Variants in CLSTN3 observed in about 807,000 individuals in gnomAD.
CLSTN3 encodes the protein calsyntenin 3, also known as calsyntenin-3.
A neutral mutation model predicts 95.9 loss-of-function variants in CLSTN3; 36 were observed. That is an observed-to-expected ratio of 0.38 (90% CI 0.29 to 0.50). The LOEUF is 0.50. CLSTN3 is among the 20% of genes least tolerant of loss of function. The pLI is 0.95. For synonymous variants in CLSTN3, 481 were observed against 504.0 expected (o/e 0.95, Z 0.61); for missense variants, 1,084 against 1,268.8 (o/e 0.85, Z 2.21).
At chr12:7,146,379 G>A (rs771155145) in intron 12 of CLSTN3, among the ~76,000 whole-genome samples, 6 of 152,026 alleles carry the variant, frequency 3.9e-5, no homozygotes, top group Admixed American at 1.3e-4. Flanking sequence ...CAGCCTGGGC[G>A]ACAAAGCGAG....
intron 16 of CLSTN3, chr12:7,156,869 A>T (rs1265415843): frequency 2.2e-6 from 1 of 455,530 alleles, no homozygotes; most frequent in Non-Finnish European, 4.4e-6. Flanking sequence ...GGAACCCCAG[A>T]CGTCCCGGAG....
At chr12:7,144,921 A>C (rs940131569) in intron 12 of CLSTN3, among the ~76,000 whole-genome samples, 1 of 152,096 alleles carries the variant, frequency 6.6e-6, no homozygotes, top group African/African-American at 2.4e-5. Context: ...GGTGCAGCTG[A>C]TTGCTGAGTA....
chr12:7,134,073 A>C (rs985151223), intron 3 of CLSTN3, among the ~76,000 whole-genome samples: 1 of 152,216 alleles, frequency 6.6e-6, no homozygotes, highest in African/African-American at 2.4e-5. Flanking sequence ...CACCTACTTC[A>C]TAAGGCTGCT....
Position 7,150,544 on chromosome 12 carries a change from G to A in CLSTN3, c.2246G>A (p.Gly749Glu). Reference sequence around the variant, plus strand: ...CCCTGAGGTGCTTCCTCATCTCCAGGGGTGGAGAGCATCACTGTGTATGAA... The same window carrying A: ...CCCTGAGGTGCTTCCTCATCTCCAGAGGTGGAGAGCATCACTGTGTATGAA... Reference protein sequence around the residue: ...TNTSAYLTIAGVESITVYEEI... With the variant: ...TNTSAYLTIAEVESITVYEEI... The change falls in exon 15 of 18, where the codon GGG becomes GAG. Residue 749 changes from glycine (G) to glutamate (E), a missense_variant and splice_region_variant. Physicochemically the swap from Gly to Glu is moderately conservative, Grantham distance 98. Transcript: ENST00000266546. The surrounding 1 kb of genome is among the most constrained non-coding windows in gnomAD (Gnocchi z 4.0). The A allele has an allele frequency of 2.5e-6, 4 of 1,607,518 alleles. No individual in the cohort carries two copies. Among genetic ancestry groups the A allele is most frequent in the Non-Finnish European group, 2.6e-6 (3 of 1,174,868 alleles).
chr12:7,142,841 C>T (rs766835177), intron 10 of CLSTN3, 28 bp from the exon 11 acceptor site: 14 of 1,611,080 alleles, frequency 8.7e-6, no homozygotes, highest in Non-Finnish European at 1.2e-5. Flanking sequence ...TTCTCACCTC[C>T]CGTCCTGCTC....
rs1420098542 is a variant in CLSTN3, at chr12:7,142,746, T to C, written c.1541-123T>C. On this transcript the variant is annotated intron_variant, in intron 10 of 17. Coordinates refer to ENST00000266546, the MANE Select transcript of CLSTN3 (RefSeq NM_014718.4). Reference sequence around the variant, plus strand: ...TTTTTTTTTTTTTTTGGTTTCCACATTTCTCCTTTTTTTCTTTCTCAACTC... The same window carrying C: ...TTTTTTTTTTTTTTTGGTTTCCACACTTCTCCTTTTTTTCTTTCTCAACTC... The C allele has an allele frequency of 5.5e-6, 3 of 541,504 alleles. No individual in the cohort carries two copies. In the East Asian group the frequency reaches 1.7e-4, roughly 30 times the overall value. 33.5% of individuals were successfully genotyped at this position (541,504 alleles called of 1,614,324 possible). A position where few individuals can be genotyped will look rare whatever the true frequency, so the allele number is the denominator to read the frequency against.
chr12:7,138,111 C>A (rs771171096), intron 8 of CLSTN3, 44 bp downstream of exon 8: 7 of 1,484,204 alleles, frequency 4.7e-6, no homozygotes, highest in Admixed American at 1.7e-5. Context: ...GTAGATGTGA[C>A]TCACTTTTAG....
chr12:7,154,677 C>T (rs146942695), intron 16 of CLSTN3, among the ~76,000 whole-genome samples: 280 of 152,194 alleles, frequency 1.8e-3, no homozygotes, highest in Admixed American at 3.4e-3. Context: ...GTGGGAGCCA[C>T]GTGTCAGTGG....
At chr12:7,130,295 G>C (rs1939259849), upstream of CLSTN3, 2 of 855,030 alleles carry the variant, frequency 2.3e-6, no homozygotes, top group Non-Finnish European at 3.1e-6. Context: ...CCCCGCTGCA[G>C]CACCTGGTCC....
upstream of CLSTN3, chr12:7,129,874 A>G (rs1939245638): frequency 1.1e-6 from 1 of 943,092 alleles, no homozygotes; most frequent in African/African-American, 1.8e-5. This position sits in a 1 kb window ranked among gnomAD's most constrained non-coding sequence, Gnocchi z 5.5. Context: ...CTTGGGTCCC[A>G]GAGCCTCGAT....
Position 7,135,323 on chromosome 12 carries a change from G to C in CLSTN3, c.384-4G>C. On this transcript the variant is annotated splice_polypyrimidine_tract_variant and splice_region_variant and intron_variant, in intron 3 of 17. Transcript: ENST00000266546. The stretch of plus-strand genomic sequence containing the variant: ...TCATCCCTCCTTCTCTCTGGCATAT[G>C]CAGGGCCACTGTGCATGTGCGGGTC... 1 of 1,613,942 alleles carries C rather than the reference G, an allele frequency of 6.2e-7. No individual in the cohort carries two copies. Among genetic ancestry groups the C allele is most frequent in the Non-Finnish European group, 8.5e-7 (1 of 1,179,888 alleles).
Position 7,158,105 on chromosome 12 carries a change from AG to A in CLSTN3, c.*29del. 2.7e-6 allele frequency: 4 copies of A among 1,483,370 alleles called. No homozygotes were observed. Among genetic ancestry groups the A allele is most frequent in the Non-Finnish European group, 3.6e-6 (4 of 1,107,960 alleles). 91.9% of individuals were successfully genotyped at this position (1,483,370 alleles called of 1,614,324 possible). On this transcript the variant is annotated 3_prime_UTR_variant, in exon 18 of 18. Coordinates refer to ENST00000266546, the MANE Select transcript of CLSTN3 (RefSeq NM_014718.4). Reference sequence around the variant, plus strand: ...AAGGCCTACACCTCTCCCCACGCAGAGGGGGAATTCTGCCCTGGTGAAACAG... The same window carrying A: ...AAGGCCTACACCTCTCCCCACGCAGAGGGGAATTCTGCCCTGGTGAAACAG...
In CLSTN3 at chr12:7,133,220, G is replaced by C. The variant is rs1435953035; in HGVS notation, c.187+74G>C. The C allele has an allele frequency of 6.4e-7, 1 of 1,554,524 alleles. No homozygotes were observed. Among genetic ancestry groups the C allele is most frequent in the East Asian group, 2.2e-5 (1 of 44,452 alleles). ...GGTGGGAGGGCCAAGAGCAAGGGAG[G>C]GAGGGAAGGTCCTGGGAGTGATGAG... is the stretch of plus-strand genomic sequence containing the variant. On this transcript the variant is annotated intron_variant, in intron 2 of 17. Coordinates refer to ENST00000266546, the MANE Select transcript of CLSTN3 (RefSeq NM_014718.4). The surrounding 1 kb of genome is among the most constrained non-coding windows in gnomAD (Gnocchi z 4.7).
Position 7,149,086 on chromosome 12 carries a change from A to C in CLSTN3, c.1962A>C (p.Pro654=). The C allele has an allele frequency of 6.2e-7, 1 of 1,614,188 alleles. No individual in the cohort carries two copies. The highest frequency in any genetic ancestry group is 8.5e-7 in the Non-Finnish European group (1 of 1,180,036). Residue 654 remains proline, a synonymous_variant, in exon 13 of 18, where the codon CCA becomes CCC. Transcript: ENST00000266546. This position sits in a 1 kb window ranked among gnomAD's most constrained non-coding sequence, Gnocchi z 4.5. ...LLSGTAHFAR[P]AVDFEGTNGV... ...GTGGCACTGCTCATTTTGCCCGCCC[A>C]GCTGTGGACTTTGAGGGAACCAACG...
chr12:7,135,261 A>C, intron 3 of CLSTN3, 66 bp from the exon 4 acceptor site: 1 of 1,471,594 alleles, frequency 6.8e-7, no homozygotes, highest in Non-Finnish European at 9.5e-7. Context: ...TCAAGGCTGT[A>C]TCTCAATGTA....
chr12:7,140,610 A>C (rs1591616380), intron 8 of CLSTN3, among the ~76,000 whole-genome samples: 2 of 152,072 alleles, frequency 1.3e-5, no homozygotes, highest in East Asian at 3.9e-4. Flanking sequence ...AGCAATATTT[A>C]TTTTAGTGCT....
At chr12:7,148,525 A>G (rs1939667428) in intron 12 of CLSTN3, among the ~76,000 whole-genome samples, 1 of 152,252 alleles carries the variant, frequency 6.6e-6, no homozygotes, top group African/African-American at 2.4e-5. Context: ...TCCACATTCT[A>G]CTTTTATTGT....
chr12:7,150,962 A>T lies in CLSTN3; in HGVS notation c.2426A>T (p.His809Leu). The T allele has an allele frequency of 6.2e-7, 1 of 1,611,162 alleles. No homozygotes were observed. Among genetic ancestry groups the T allele is most frequent in the Non-Finnish European group, 8.5e-7 (1 of 1,178,268 alleles). The part of the protein sequence containing the change: ...NVLHSMNRVA[H>L]PSHVLSSQQF... ...CTGCACAGCATGAACCGGGTTGCCC[A>T]CCCCAGCCACGTGCTCAGCTCCCAG... The change falls in exon 16 of 18, where the codon CAC becomes CTC. Residue 809 changes from histidine (H) to leucine (L), a missense_variant. Physicochemically the swap from His to Leu is moderately conservative, Grantham distance 99. Transcript: ENST00000266546. The surrounding 1 kb of genome is among the most constrained non-coding windows in gnomAD (Gnocchi z 4.0).
Position 7,149,634 on chromosome 12 carries a change from C to T in CLSTN3, c.2186C>T (p.Thr729Ile). 1 of 1,614,202 alleles carries T rather than the reference C, an allele frequency of 6.2e-7. No individual in the cohort carries two copies. The highest frequency in any genetic ancestry group is 8.5e-7 in the Non-Finnish European group (1 of 1,180,030). The change falls in exon 14 of 18, where the codon ACC becomes ATC. Residue 729 changes from threonine (T) to isoleucine (I), a missense_variant. Physicochemically the swap from Thr to Ile is moderately conservative, Grantham distance 89. Coordinates refer to ENST00000266546, the MANE Select transcript of CLSTN3 (RefSeq NM_014718.4). The surrounding 1 kb of genome is among the most constrained non-coding windows in gnomAD (Gnocchi z 4.5). ...CGGGAAAGCCTGCTCCTGGACACAACCTCTCTGCAGCAGCGGGGGCTGGAG... is the reference window on the plus strand; with the variant it reads ...CGGGAAAGCCTGCTCCTGGACACAATCTCTCTGCAGCAGCGGGGGCTGGAG... Reference protein sequence around the residue: ...PERESLLLDTTSLQQRGLELT... With the variant: ...PERESLLLDTISLQQRGLELT...
Sources: allele counts gnomAD v4.1 joint callset (sites outside exome capture counted in the v4.1 genomes callset), GRCh38; gene constraint gnomAD v4.1.1; non-coding constraint Gnocchi (gnomAD v3.1); transcripts MANE v1.5; gene names NCBI Gene and HGNC (gene_info 2026-07-23, HGNC 2026-07-21).